MAPK8: variants seen among roughly 807,000 people sequenced by gnomAD.
The protein encoded by MAPK8 is mitogen-activated protein kinase 8.
In MAPK8, 13 loss-of-function variants were observed where a neutral mutation model predicts 52.9. The ratio of observed to expected loss-of-function variants is 0.25; its 90% CI spans 0.16 to 0.39. MAPK8 has a LOEUF of 0.39. MAPK8 is among the 10% of genes least tolerant of loss of function. The pLI, the probability that MAPK8 is intolerant of heterozygous loss-of-function variation, is 1.00. For synonymous variants in MAPK8, 191 were observed against 169.8 expected, an observed-to-expected ratio of 1.12 and a Z score of -0.97; for missense variants, 300 against 519.2, an observed-to-expected ratio of 0.58 and a Z score of 4.10.
chr10:48,413,815 T>C (rs1489980561), intron 5 of MAPK8, among the ~76,000 whole-genome samples: 1 of 48,378 alleles, frequency 2.1e-5, no homozygotes, highest in Non-Finnish European at 4.4e-5. Context: ...GCCAGAATTG[T>C]TATATATATA....
At chr10:48,336,252 ATAT>A (rs1844674857) in intron 1 of MAPK8, among the ~76,000 whole-genome samples, 1 of 152,232 alleles carries the variant, frequency 6.6e-6, no homozygotes, top group Admixed American at 6.5e-5. Flanking sequence ...GAATAAAGGA[ATAT>A]TATAAACACT....
At chr10:48,312,771 T>G (rs1273257435) in intron 1 of MAPK8, among the ~76,000 whole-genome samples, 1 of 152,236 alleles carries the variant, frequency 6.6e-6, no homozygotes, top group Non-Finnish European at 1.5e-5. Context: ...TGGCTGTTAC[T>G]ATTGAGAATT....
intron 1 of MAPK8, among the ~76,000 whole-genome samples, chr10:48,397,461 C>G (rs1415495004): frequency 2.0e-5 from 3 of 152,006 alleles, no homozygotes; most frequent in Non-Finnish European, 4.4e-5. Context: ...TAACCTATAA[C>G]TTTTTAAATG....
At chr10:48,320,889 T>C (rs1588929082) in intron 1 of MAPK8, among the ~76,000 whole-genome samples, 1 of 152,248 alleles carries the variant, frequency 6.6e-6, no homozygotes, top group East Asian at 1.9e-4. Flanking sequence ...AAGCTTGTTA[T>C]TGTCTGTCTT....
intron 1 of MAPK8, among the ~76,000 whole-genome samples, chr10:48,346,975 A>T (rs1041259525): frequency 6.6e-6 from 1 of 152,138 alleles, no homozygotes; most frequent in East Asian, 1.9e-4. Flanking sequence ...GTATCCAACA[A>T]ATAACAGTGC....
Position 48,324,684 on chromosome 10 carries a change from G to GT in MAPK8, c.-50+17872dup, listed in dbSNP as rs35042516. ...GAGCCTAAAGACTGGATTATATTTA[G>GT]TTTTTTTTTGGCTTAGTTACTCCTG... On this transcript the variant is annotated intron_variant, in intron 1 of 11. Coordinates refer to ENST00000374189, the MANE Select transcript of MAPK8 (RefSeq NM_001323329.2). Among the ~76,000 whole-genome samples the GT allele has an allele frequency of 5.9e-5, 9 of 151,340 alleles. No individual in the cohort carries two copies. The East Asian group carries it at 1.8e-3, about 29-fold the overall frequency.
At chr10:48,317,751 G>A (rs1842639644) in intron 1 of MAPK8, among the ~76,000 whole-genome samples, 1 of 152,136 alleles carries the variant, frequency 6.6e-6, no homozygotes, top group Non-Finnish European at 1.5e-5. Context: ...AAGTTGGAAG[G>A]TGAAGGCCTA....
In MAPK8 at chr10:48,317,217, A is replaced by C. The variant is rs1009139352; in HGVS notation, c.-50+10396A>C. On this transcript the variant is annotated intron_variant, in intron 1 of 11. Coordinates refer to ENST00000374189, the MANE Select transcript of MAPK8 (RefSeq NM_001323329.2). ...AAGACAGGGTCTCCCTCTGTTGCCC[A>C]GGCTGGAGTGCAGTGGTGTGATCGT... is the stretch of plus-strand genomic sequence containing the variant. Among the ~76,000 whole-genome samples, 6 of 152,234 alleles carry C rather than the reference A, an allele frequency of 3.9e-5. No individual in the cohort carries two copies. In the East Asian group the frequency reaches 1.2e-3, roughly 29 times the overall value.
At chr10:48,424,600 G>C (rs1307130935) in intron 7 of MAPK8, 1 of 1,551,126 alleles carries the variant, frequency 6.4e-7, no homozygotes, top group South Asian at 1.3e-5. Flanking sequence ...CCTTATCTTT[G>C]GCCTAAAATG....
intron 1 of MAPK8, among the ~76,000 whole-genome samples, chr10:48,319,008 A>T (rs1488995620): frequency 1.3e-5 from 2 of 152,172 alleles, no homozygotes; most frequent in African/African-American, 4.8e-5. Context: ...TCTGGTGACC[A>T]TAAGCAGGGA....
chr10:48,409,380 T>C (rs775926828), intron 3 of MAPK8, among the ~76,000 whole-genome samples: 4 of 152,134 alleles, frequency 2.6e-5, no homozygotes, highest in Non-Finnish European at 5.9e-5. Flanking sequence ...CCTTATTTTG[T>C]GAGATGTCCA....
chr10:48,426,409 A>G lies in MAPK8; in HGVS notation c.901A>G (p.Met301Val). The G allele has an allele frequency of 6.2e-7, 1 of 1,610,326 alleles. No individual in the cohort carries two copies. The highest frequency in any genetic ancestry group is 8.5e-7 in the Non-Finnish European group (1 of 1,178,540). The stretch of plus-strand genomic sequence containing the variant: ...TCAGGCAAGGGATTTGTTATCCAAA[A>G]TGCTGGTAATAGATGCATCTAAAAG... ...ASQARDLLSK[M>V]LVIDASKRIS... is the part of the protein sequence containing the mutation. Residue 301 changes from methionine (M) to valine (V), a missense_variant, in exon 9 of 12, where the codon ATG becomes GTG. By Grantham distance (21) the Met-to-Val change is conservative. Coordinates refer to ENST00000374189, the MANE Select transcript of MAPK8 (RefSeq NM_001323329.2).
intron 1 of MAPK8, among the ~76,000 whole-genome samples, chr10:48,315,209 C>T (rs1433991075): frequency 6.6e-6 from 1 of 151,968 alleles, no homozygotes; most frequent in Non-Finnish European, 1.5e-5. Context: ...TAGTCTGTAC[C>T]CCTCCTCTGC....
At chr10:48,370,436 GT>G (rs978243671) in intron 1 of MAPK8, among the ~76,000 whole-genome samples, 1 of 152,064 alleles carries the variant, frequency 6.6e-6, no homozygotes, top group Non-Finnish European at 1.5e-5. Flanking sequence ...GCTACTTCAG[GT>G]TGGTACATTG....
Position 48,436,999 on chromosome 10 carries a change from A to G in MAPK8, c.*1970A>G, listed in dbSNP as rs2044900738. On this transcript the variant is annotated 3_prime_UTR_variant, in exon 12 of 12. Transcript: ENST00000374189. ...TGTCACTGTTGCACTTTCACAGCAGACATGCTTTCAGAAGGTTCTCATATT... is the reference window on the plus strand; with the variant it reads ...TGTCACTGTTGCACTTTCACAGCAGGCATGCTTTCAGAAGGTTCTCATATT... The G allele has an allele frequency of 6.6e-6, 1 of 152,244 alleles. No individual in the cohort carries two copies. Among genetic ancestry groups the G allele is most frequent in the South Asian group, 2.1e-4 (1 of 4,830 alleles). The allele number at this position is 152,244 out of a possible 1,614,324, so 9.4% of individuals were successfully genotyped here.
intron 1 of MAPK8, among the ~76,000 whole-genome samples, chr10:48,377,050 G>A (rs1482584066): frequency 3.3e-5 from 5 of 152,192 alleles, no homozygotes; most frequent in African/African-American, 1.2e-4. Context: ...AAAAGGATGA[G>A]TTCATGTCCT....
chr10:48,431,396 A>G, intron 11 of MAPK8, 126 bp downstream of exon 11: 1 of 658,214 alleles, frequency 1.5e-6, no homozygotes, highest in South Asian at 2.2e-5. Flanking sequence ...TAATAAGTAT[A>G]AGGAAATACA....
intron 1 of MAPK8, among the ~76,000 whole-genome samples, chr10:48,375,001 C>G (rs1373303943): frequency 1.3e-5 from 2 of 152,172 alleles, no homozygotes; most frequent in Non-Finnish European, 2.9e-5. Context: ...AAAATACCGG[C>G]AAACCAAATC....
At chr10:48,347,598 C>T (rs1845912280) in intron 1 of MAPK8, among the ~76,000 whole-genome samples, 2 of 152,156 alleles carry the variant, frequency 1.3e-5, no homozygotes, top group Non-Finnish European at 1.5e-5. Flanking sequence ...CTCCCTGTGT[C>T]CATGTGTTCT....
Sources: gnomAD v4.1 joint callset for allele counts (sites outside exome capture counted in the v4.1 genomes callset) on GRCh38, gnomAD v4.1.1 for gene constraint, MANE v1.5 for transcripts, NCBI Gene and HGNC (gene_info 2026-07-23, HGNC 2026-07-21) for gene names.